The following HEATR5B variants were observed in gnomAD, a reference collection of about 807,000 sequenced individuals.
The protein encoded by HEATR5B is HEAT repeat containing 5B.
Under a neutral mutation model 224.1 loss-of-function variants are expected in HEATR5B, and 156 were observed. The ratio of observed to expected loss-of-function variants is 0.70; its 90% CI spans 0.61 to 0.80. The LOEUF (loss-of-function observed/expected upper bound fraction) is 0.80, where lower values mean the gene tolerates loss of function less well. HEATR5B is among the 30% of genes least tolerant of loss of function. The pLI is 0.00. For missense variants in HEATR5B, 2,323 were observed against 2,535.5 expected, an observed-to-expected ratio of 0.92 and a Z score of 1.80; for synonymous variants, 1,027 against 893.0, an observed-to-expected ratio of 1.15 and a Z score of -2.68.
At chr2:37,050,854 A>G (rs141885906) in intron 17 of HEATR5B, among the ~76,000 whole-genome samples, 4,157 of 152,208 alleles carry the variant, frequency 0.027, 202 homozygotes, top group African/African-American at 0.095. Context: ...CCTGGCCAAC[A>G]TGGTGAAAAC....
At chr2:37,014,051 T>TA (rs749171656) in intron 26 of HEATR5B, 31 bp from the exon 27 acceptor site, 41 of 1,266,202 alleles carry the variant, frequency 3.2e-5, no homozygotes, top group Non-Finnish European at 3.5e-5. Context: ...AACTTTTGTG[T>TA]AAAAAAAATT....
At chr2:37,000,489 T>G in intron 33 of HEATR5B, 97 bp downstream of exon 33, 1 of 871,694 alleles carries the variant, frequency 1.1e-6, no homozygotes, top group Non-Finnish European at 1.9e-6. Context: ...GATGATTCAT[T>G]GTTATACAGC....
At chr2:36,992,760 C>G (rs1183207881) in intron 33 of HEATR5B, among the ~76,000 whole-genome samples, 1 of 151,346 alleles carries the variant, frequency 6.6e-6, no homozygotes, top group Non-Finnish European at 1.5e-5. Context: ...TTTTTTCCCC[C>G]CAAGGAAGAG....
chr2:37,026,390 T>A (rs1267325504), intron 24 of HEATR5B, among the ~76,000 whole-genome samples: 7 of 152,200 alleles, frequency 4.6e-5, no homozygotes, highest in Non-Finnish European at 7.3e-5. Flanking sequence ...TTTGTGGGCA[T>A]TTGTTATAGC....
intron 33 of HEATR5B, among the ~76,000 whole-genome samples, chr2:36,991,556 G>A (rs550463161): frequency 6.6e-6 from 1 of 151,166 alleles, no homozygotes; most frequent in African/African-American, 2.4e-5. Flanking sequence ...GAATTTTAAG[G>A]AATTTCTTGC....
At chr2:37,042,278 G>A (rs1669920244) in intron 18 of HEATR5B, among the ~76,000 whole-genome samples, 1 of 152,114 alleles carries the variant, frequency 6.6e-6, no homozygotes, top group Non-Finnish European at 1.5e-5. Flanking sequence ...TCTTCAAAAA[G>A]TTTATGGAAA....
intron 35 of HEATR5B, among the ~76,000 whole-genome samples, chr2:36,984,215 A>AAAAAAAAAAAAAAAAAAAAAAAAAAATAT: frequency 3.9e-5 from 3 of 77,642 alleles, no homozygotes; most frequent in African/African-American, 1.8e-4. Flanking sequence ...AAAAAAAAAA[A>AAAAAAAAAAAAAAAAAAAAAAAAAAATAT]ATATATATAT....
chr2:37,007,020 T>A (rs755897754), intron 29 of HEATR5B, 30 bp downstream of exon 29: 1 of 1,599,392 alleles, frequency 6.3e-7, no homozygotes, highest in East Asian at 2.2e-5. Context: ...GAAGTGATAA[T>A]CTTGAAATAT....
intron 26 of HEATR5B, among the ~76,000 whole-genome samples, chr2:37,014,268 T>A (rs968130304): frequency 3.9e-5 from 6 of 151,960 alleles, no homozygotes; most frequent in African/African-American, 1.5e-4. Context: ...TTCAAAAAAT[T>A]CTCCTGCCTC....
intron 22 of HEATR5B, 50 bp from the exon 23 acceptor site, chr2:37,028,970 T>C (rs779293688): frequency 1.9e-6 from 3 of 1,571,242 alleles, no homozygotes; most frequent in Admixed American, 1.8e-5. Context: ...TGGTGTACGC[T>C]ATAGGTAACA....
chr2:37,050,791 C>T (rs565984457), intron 17 of HEATR5B, among the ~76,000 whole-genome samples: 3 of 152,174 alleles, frequency 2.0e-5, no homozygotes, highest in South Asian at 2.1e-4. Flanking sequence ...CTGTAATCCC[C>T]GACTTTGGGA....
intron 5 of HEATR5B, among the ~76,000 whole-genome samples, chr2:37,074,455 A>T (rs2148596455): frequency 6.6e-6 from 1 of 152,306 alleles, no homozygotes; most frequent in Middle Eastern, 3.4e-3. Context: ...TAAGTATAAA[A>T]CTATAAAACT....
intron 18 of HEATR5B, among the ~76,000 whole-genome samples, chr2:37,042,849 G>A (rs1251334392): frequency 4.2e-5 from 6 of 144,224 alleles, no homozygotes; most frequent in Admixed American, 2.2e-4. Flanking sequence ...CCAAGATCGC[G>A]CCACTGCACT....
At chr2:37,049,627 A>G (rs1444147277) in intron 18 of HEATR5B, 26 bp downstream of exon 18, 2 of 1,593,078 alleles carry the variant, frequency 1.3e-6, no homozygotes, top group Non-Finnish European at 1.7e-6. Flanking sequence ...TACACATGAA[A>G]CTTGTTAGTA....
intron 16 of HEATR5B, among the ~76,000 whole-genome samples, chr2:37,053,986 A>G (rs969489931): frequency 2.6e-5 from 4 of 151,950 alleles, no homozygotes; most frequent in African/African-American, 7.3e-5. Flanking sequence ...TAAATGTAGT[A>G]TAATTCTTTT....
At chr2:37,038,548 T>A (rs1669661031) in intron 20 of HEATR5B, among the ~76,000 whole-genome samples, 1 of 152,214 alleles carries the variant, frequency 6.6e-6, no homozygotes, top group South Asian at 2.1e-4. Flanking sequence ...AAATACTTGA[T>A]AAACACCTAT....
intron 16 of HEATR5B, among the ~76,000 whole-genome samples, chr2:37,054,175 T>C (rs1448593698): frequency 1.4e-5 from 2 of 147,490 alleles, no homozygotes; most frequent in Non-Finnish European, 3.0e-5. Flanking sequence ...TCCATGGCCA[T>C]CTTAGATGAT....
chr2:37,068,195 T>C (rs907380773), intron 8 of HEATR5B, among the ~76,000 whole-genome samples: 2 of 152,208 alleles, frequency 1.3e-5, no homozygotes, highest in African/African-American at 4.8e-5. Context: ...ATAAAACTGG[T>C]ATTTTAGAAA....
rs145906870 is a variant in HEATR5B, at chr2:37,002,310, G to A, written c.5313C>T (p.Pro1771=). ...ILSDLPSLCS[P]AGCMTILPTI... ...AAATACTGATCAATACCGTACCAGC[G>A]GGTGAACAAAGGGATGGTAAATCAG... The change falls in exon 32 of 36, where the codon CCC becomes CCT. Residue 1771 remains proline, a synonymous_variant. Transcript: ENST00000233099. 15,740 of 1,614,102 alleles carry A rather than the reference G, an allele frequency of 9.8e-3. 101 individuals carry two copies. The highest frequency in any genetic ancestry group is 0.011 in the Non-Finnish European group (13,306 of 1,179,964).
Sources: gnomAD v4.1 joint callset for allele counts (sites outside exome capture counted in the v4.1 genomes callset) on GRCh38, gnomAD v4.1.1 for gene constraint, MANE v1.5 for transcripts, NCBI Gene and HGNC (gene_info 2026-07-23, HGNC 2026-07-21) for gene names.